ANKRD13A: variants seen among roughly 807,000 people sequenced by gnomAD.
ANKRD13A encodes the protein ankyrin repeat domain-containing protein 13A.
ANKRD13A carries 48 observed loss-of-function variants against 81.3 expected under a neutral mutation model. The observed-to-expected ratio is 0.59, with a 90% CI of 0.47 to 0.75. The LOEUF is 0.75. ANKRD13A is among the 30% of genes least tolerant of loss of function. The probability of loss-of-function intolerance (pLI) is 0.00; values close to 1 mark genes in which losing one functional copy is unlikely to be tolerated. For synonymous variants in ANKRD13A, 230 were observed against 270.1 expected (o/e 0.85, Z 1.45); for missense variants, 612 against 734.0 (o/e 0.83, Z 1.92).
chr12:110,037,750 C>A lies in ANKRD13A; in HGVS notation c.*196C>A. 1 of 504,170 alleles carries A rather than the reference C, an allele frequency of 2.0e-6. No individual in the cohort carries two copies. The highest frequency in any genetic ancestry group is 3.5e-6 in the Non-Finnish European group (1 of 287,228). 31.2% of individuals were successfully genotyped at this position (504,170 alleles called of 1,614,324 possible). ...GCTGCTCCCTGGGGTGGAGAAGGGA[C>A]CAGGGATTGCAGGCCCCATCTCCAG... On this transcript the variant is annotated 3_prime_UTR_variant, in exon 15 of 15. Transcript: ENST00000261739.
In ANKRD13A at chr12:110,036,271, G is replaced by A. The variant is rs767039693; in HGVS notation, c.1520G>A (p.Gly507Glu). The A allele has an allele frequency of 1.9e-6, 3 of 1,614,024 alleles. No homozygotes were observed. The highest frequency in any genetic ancestry group is 1.1e-5 in the South Asian group (1 of 91,076). The change falls in exon 14 of 15, where the codon GGA (glycine) becomes GAA (glutamate). Residue 507 changes from glycine (G) to glutamate (E), a missense_variant. Transcript: ENST00000261739. The surrounding 1 kb of genome is among the most constrained non-coding windows in gnomAD (Gnocchi z 4.6). ...LESSRSQELS[G>E]PASNGGISQT... The stretch of plus-strand genomic sequence containing the variant: ...ATTTGTCTTTGCCAGGAACTTTCAG[G>A]ACCAGCTTCGAATGGAGGGATCAGC...
intron 1 of ANKRD13A, among the ~76,000 whole-genome samples, chr12:110,009,687 A>G (rs755204008): frequency 3.3e-5 from 5 of 152,188 alleles, no homozygotes; most frequent in Non-Finnish European, 7.3e-5. Flanking sequence ...AGAGAGATGC[A>G]GGAAGGTCTG....
intron 4 of ANKRD13A, 144 bp downstream of exon 4, chr12:110,016,577 G>T: frequency 1.4e-6 from 1 of 723,066 alleles, no homozygotes. Context: ...AATAATCACT[G>T]ATAGTCCCAG....
intron 1 of ANKRD13A, among the ~76,000 whole-genome samples, chr12:110,006,592 C>T (rs1566045759): frequency 1.3e-5 from 2 of 151,694 alleles, no homozygotes; most frequent in South Asian, 4.1e-4. Flanking sequence ...TCTCCCATTC[C>T]ATGGGTTGTC....
At position 110,016,579 on chromosome 12, in the gene ANKRD13A, T is replaced by C. The variant is rs1453058011; in HGVS notation, c.400+146T>C. ...AAGAATAAGGAAAAATAATCACTGA[T>C]AGTCCCAGTTAAACACAACTGTTAA... On this transcript the variant is annotated intron_variant, in intron 4 of 14. Transcript: ENST00000261739. 5 of 713,812 alleles carry C rather than the reference T, an allele frequency of 7.0e-6. No individual in the cohort carries two copies. In the East Asian group the frequency reaches 8.4e-5, roughly 12 times the overall value. The allele number at this position is 713,812 out of a possible 1,614,324, so 44.2% of individuals were successfully genotyped here. A position where few individuals can be genotyped will look rare whatever the true frequency, so the allele number is the denominator to read the frequency against.
At position 110,017,931 on chromosome 12, in the gene ANKRD13A, CAA is replaced by C. The variant is rs35012464; in HGVS notation, c.401-401_401-400del. On this transcript the variant is annotated intron_variant, in intron 4 of 14. Coordinates refer to ENST00000261739, the MANE Select transcript of ANKRD13A (RefSeq NM_033121.2). ...TGGGCGACAGGGTGAGACTCCGTCT[CAA>C]AAAAAAAAAAAAGTGGCATACTTTA... 9.4e-3 allele frequency among the ~76,000 whole-genome samples: 1,021 copies of C among 108,242 alleles called. 1 individual carries two copies. Among genetic ancestry groups the C allele is most frequent in the Non-Finnish European group, 0.012 (640 of 51,336 alleles). The allele number at this position is 108,242 out of a possible 152,430, so 71.0% of individuals were successfully genotyped here. A position where few individuals can be genotyped will look rare whatever the true frequency, so the allele number is the denominator to read the frequency against.
Position 110,036,433 on chromosome 12 carries a change from G to A in ANKRD13A, c.1577+105G>A. ...CATTTGGTCCTCAGGCAGATGTACG[G>A]TGCCACAAACTGGCAGGAAAGACTA... On this transcript the variant is annotated intron_variant, in intron 14 of 14. Transcript: ENST00000261739. The surrounding 1 kb of genome is among the most constrained non-coding windows in gnomAD (Gnocchi z 4.6). The A allele has an allele frequency of 1.6e-6, 2 of 1,212,424 alleles. No individual in the cohort carries two copies. Among genetic ancestry groups the A allele is most frequent in the South Asian group, 1.2e-5 (1 of 82,086 alleles). 75.1% of individuals were successfully genotyped at this position (1,212,424 alleles called of 1,614,324 possible). A position where few individuals can be genotyped will look rare whatever the true frequency, so the allele number is the denominator to read the frequency against.
chr12:110,013,741 G>T (rs535513547), intron 3 of ANKRD13A, among the ~76,000 whole-genome samples: 1 of 152,066 alleles, frequency 6.6e-6, no homozygotes, highest in African/African-American at 2.4e-5. Context: ...AGGGTGCAGT[G>T]ATCGCACCCC....
intron 1 of ANKRD13A, among the ~76,000 whole-genome samples, chr12:110,006,008 G>T (rs1275962265): frequency 1.3e-5 from 2 of 152,080 alleles, no homozygotes; most frequent in Non-Finnish European, 2.9e-5. Flanking sequence ...GTAGAGATGG[G>T]GTTTCACCAT....
intron 1 of ANKRD13A, among the ~76,000 whole-genome samples, chr12:110,002,397 G>A (rs1459630756): frequency 2.0e-5 from 3 of 152,050 alleles, no homozygotes; most frequent in African/African-American, 7.2e-5. Flanking sequence ...CAGGCAGATC[G>A]CCTGAGGTCA....
Position 109,999,444 on chromosome 12 carries a change from G to C in ANKRD13A, c.-245G>C. On this transcript the variant is annotated 5_prime_UTR_variant, in exon 1 of 15. Transcript: ENST00000261739. This position sits in a 1 kb window ranked among gnomAD's most constrained non-coding sequence, Gnocchi z 4.3. Reference sequence around the variant, plus strand: ...GTTAGGTCCGCAGAAGTCTGTCCGCGAGCTGTCAGCGCGGGCGGGAACGCC... The same window carrying C: ...GTTAGGTCCGCAGAAGTCTGTCCGCCAGCTGTCAGCGCGGGCGGGAACGCC... The C allele has an allele frequency of 4.4e-6, 1 of 225,734 alleles. No homozygotes were observed. Among genetic ancestry groups the C allele is most frequent in the African/African-American group, 2.3e-5 (1 of 43,518 alleles). 14.0% of individuals were successfully genotyped at this position (225,734 alleles called of 1,614,324 possible). A position where few individuals can be genotyped will look rare whatever the true frequency, so the allele number is the denominator to read the frequency against.
chr12:110,028,321 A>C, intron 9 of ANKRD13A, 191 bp from the exon 10 acceptor site: 1 of 510,968 alleles, frequency 2.0e-6, no homozygotes, highest in Non-Finnish European at 3.4e-6. Flanking sequence ...TAAAATGAAG[A>C]AATCCATTAC....
rs1892074378 is a variant in ANKRD13A at position 110,036,724 on chromosome 12, T to A, written c.1577+396T>A. On this transcript the variant is annotated intron_variant, in intron 14 of 14. Coordinates refer to ENST00000261739, the MANE Select transcript of ANKRD13A (RefSeq NM_033121.2). This position sits in a 1 kb window ranked among gnomAD's most constrained non-coding sequence, Gnocchi z 4.6. ...GAGATCGCGCCACTGCACTCCAGCC[T>A]GGGCGATAGAGCGAGACTCCGTCTC... 1.3e-5 allele frequency among the ~76,000 whole-genome samples: 2 copies of A among 151,914 alleles called. 1 individual carries two copies. The highest frequency in any genetic ancestry group is 6.8e-3 in the Middle Eastern group (2 of 292).
chr12:109,999,430 A>C lies in ANKRD13A; in HGVS notation c.-259A>C, dbSNP rs1368132214. On this transcript the variant is annotated 5_prime_UTR_variant, in exon 1 of 15. Coordinates refer to ENST00000261739, the MANE Select transcript of ANKRD13A (RefSeq NM_033121.2). The surrounding 1 kb of genome is among the most constrained non-coding windows in gnomAD (Gnocchi z 4.3). ...CCCTGTTTGGGGCAGTTAGGTCCGC[A>C]GAAGTCTGTCCGCGAGCTGTCAGCG... 1.9e-5 allele frequency: 4 copies of C among 208,400 alleles called. No homozygotes were observed. The East Asian group carries it at 4.6e-4, about 24-fold the overall frequency. The allele number at this position is 208,400 out of a possible 1,614,324, so 12.9% of individuals were successfully genotyped here. A position where few individuals can be genotyped will look rare whatever the true frequency, so the allele number is the denominator to read the frequency against.
intron 11 of ANKRD13A, among the ~76,000 whole-genome samples, chr12:110,030,389 A>T (rs1891609725): frequency 6.6e-6 from 1 of 151,902 alleles, no homozygotes. Context: ...CTGGTCTCGA[A>T]CTCCTGACCT....
At chr12:110,024,141 A>C (rs751225788) in intron 7 of ANKRD13A, 29 bp downstream of exon 7, 1 of 1,569,738 alleles carries the variant, frequency 6.4e-7, no homozygotes, top group Admixed American at 2.0e-5. Flanking sequence ...AATAAGATTT[A>C]ATATAGCTAT....
At chr12:110,008,175 T>G (rs934729230) in intron 1 of ANKRD13A, among the ~76,000 whole-genome samples, 1 of 152,212 alleles carries the variant, frequency 6.6e-6, no homozygotes, top group Non-Finnish European at 1.5e-5. Context: ...ATTCCTAGTA[T>G]GTTGAGAGTT....
At chr12:110,009,501 C>T (rs1890403934) in intron 1 of ANKRD13A, among the ~76,000 whole-genome samples, 2 of 152,118 alleles carry the variant, frequency 1.3e-5, no homozygotes, top group South Asian at 2.1e-4. Flanking sequence ...ACTAAATGTT[C>T]GTCAATGTTG....
chr12:110,026,484 G>A (rs1312227756), intron 8 of ANKRD13A, among the ~76,000 whole-genome samples: 1 of 151,940 alleles, frequency 6.6e-6, no homozygotes, highest in Non-Finnish European at 1.5e-5. Flanking sequence ...GGCTGAGGCA[G>A]GAGAATCACT....
Sources: allele counts gnomAD v4.1 joint callset (sites outside exome capture counted in the v4.1 genomes callset), GRCh38; gene constraint gnomAD v4.1.1; non-coding constraint Gnocchi (gnomAD v3.1); transcripts MANE v1.5; gene names NCBI Gene and HGNC (gene_info 2026-07-23, HGNC 2026-07-21).